Variants in GRIN2A observed in about 807,000 individuals in gnomAD.
The protein encoded by GRIN2A is glutamate receptor ionotropic, NMDA 2A.
Under a neutral mutation model 113.4 loss-of-function variants are expected in GRIN2A, and 22 were observed. That is an observed-to-expected ratio of 0.19 (90% CI 0.14 to 0.28). The LOEUF is 0.28. GRIN2A is among the 10% of genes least tolerant of loss of function. The probability of loss-of-function intolerance (pLI) is 1.00; values close to 1 mark genes in which losing one functional copy is unlikely to be tolerated. For missense variants in GRIN2A, 1,502 were observed against 1,887.0 expected, an observed-to-expected ratio of 0.80 and a Z score of 3.78; for synonymous variants, 827 against 738.4, an observed-to-expected ratio of 1.12 and a Z score of -1.94.
intron 2 of GRIN2A, 105 bp downstream of exon 2, chr16:10,179,893 C>CCCAAAAAAAAAAAAAAAA: frequency 4.2e-6 from 3 of 719,806 alleles, no homozygotes; most frequent in Non-Finnish European, 4.8e-6. Context: ...CCCCCACCCC[C>CCCAAAAAAAAAAAAAAAA]ACTTCACATC....
chr16:10,040,989 T>C (rs2047157821), intron 2 of GRIN2A, among the ~76,000 whole-genome samples: 1 of 152,258 alleles, frequency 6.6e-6, no homozygotes, highest in African/African-American at 2.4e-5. Flanking sequence ...TGCCTCCACC[T>C]GACATCAAAG....
intron 2 of GRIN2A, among the ~76,000 whole-genome samples, chr16:10,108,628 G>C (rs563422390): frequency 2.6e-5 from 4 of 152,190 alleles, no homozygotes; most frequent in Non-Finnish European, 2.9e-5. Context: ...CACACACTTA[G>C]TGTACGATGT....
chr16:9,939,172 T>A (rs1270021286), intron 2 of GRIN2A, among the ~76,000 whole-genome samples: 1 of 152,148 alleles, frequency 6.6e-6, no homozygotes, highest in Non-Finnish European at 1.5e-5. Context: ...TTAAGTGTTC[T>A]TAATAAGAAT....
In GRIN2A at chr16:10,180,983, A is replaced by T. The variant is rs2050258047; in HGVS notation, c.-18-554T>A. ...TAGTTGGCTGACCCCGCCCCCTACGAGCCCGTCGTGTGCACCACACACTTT... is the reference window on the plus strand; with the variant it reads ...TAGTTGGCTGACCCCGCCCCCTACGTGCCCGTCGTGTGCACCACACACTTT... On this transcript the variant is annotated intron_variant, in intron 1 of 12. Transcript: ENST00000330684. This position sits in a 1 kb window ranked among gnomAD's most constrained non-coding sequence, Gnocchi z 7.0. Among the ~76,000 whole-genome samples, 1 of 152,116 alleles carries T rather than the reference A, an allele frequency of 6.6e-6. No homozygotes were observed. Among genetic ancestry groups the T allele is most frequent in the Non-Finnish European group, 1.5e-5 (1 of 68,008 alleles).
intron 7 of GRIN2A, among the ~76,000 whole-genome samples, chr16:9,836,223 C>T (rs1421565105): frequency 1.3e-5 from 2 of 152,132 alleles, no homozygotes; most frequent in Non-Finnish European, 2.9e-5. Context: ...AGTGTTTGTT[C>T]GTGTGTGAGG....
chr16:10,016,613 C>G (rs2046615842), intron 2 of GRIN2A, among the ~76,000 whole-genome samples: 1 of 152,120 alleles, frequency 6.6e-6, no homozygotes, highest in Non-Finnish European at 1.5e-5. Flanking sequence ...AGTAATTGTC[C>G]ATAGGATAAA....
At chr16:10,162,098 A>G (rs969645115) in intron 2 of GRIN2A, among the ~76,000 whole-genome samples, 1 of 152,118 alleles carries the variant, frequency 6.6e-6, no homozygotes, top group Non-Finnish European at 1.5e-5. Context: ...GATTCTGCCT[A>G]CCACACCCCC....
chr16:10,171,738 C>T (rs750363760), intron 2 of GRIN2A, among the ~76,000 whole-genome samples: 11 of 152,150 alleles, frequency 7.2e-5, no homozygotes, highest in African/African-American at 2.2e-4. Context: ...AAAATGCAGA[C>T]ACAATAACAA....
intron 2 of GRIN2A, 105 bp downstream of exon 2, chr16:10,179,893 C>CCCCACAAAAAAAAAAAAA: frequency 1.4e-6 from 1 of 719,818 alleles, no homozygotes; most frequent in Non-Finnish European, 2.4e-6. Context: ...CCCCCACCCC[C>CCCCACAAAAAAAAAAAAA]ACTTCACATC....
At chr16:9,916,625 G>A (rs1270804502) in intron 3 of GRIN2A, among the ~76,000 whole-genome samples, 2 of 152,148 alleles carry the variant, frequency 1.3e-5, no homozygotes, top group Admixed American at 6.5e-5. Flanking sequence ...GAGGTGGCTG[G>A]TGATGCAGCC....
intron 2 of GRIN2A, among the ~76,000 whole-genome samples, chr16:10,056,102 G>C (rs2047453274): frequency 6.6e-6 from 1 of 152,196 alleles, no homozygotes; most frequent in Non-Finnish European, 1.5e-5. Context: ...TGAATGCAGA[G>C]AAAACCAGGC....
At chr16:9,779,847 G>A (rs1338323112) in intron 11 of GRIN2A, among the ~76,000 whole-genome samples, 1 of 152,146 alleles carries the variant, frequency 6.6e-6, no homozygotes. Flanking sequence ...AGGGATGAGT[G>A]GAAGAGCACA....
intron 2 of GRIN2A, among the ~76,000 whole-genome samples, chr16:10,165,680 GGGAGGGGAGGGGAGGGGAGAAA>G (rs1193556001): frequency 2.2e-4 from 25 of 111,230 alleles, no homozygotes; most frequent in Non-Finnish European, 3.5e-4. Flanking sequence ...AAGAGGAGAG[GGGAGGGGAGGGGAGGGGAGAAA>G]GGAGGGGAGG....
At chr16:10,097,856 G>GA (rs1193342958) in intron 2 of GRIN2A, among the ~76,000 whole-genome samples, 1 of 152,104 alleles carries the variant, frequency 6.6e-6, no homozygotes. Flanking sequence ...GGTAACACGG[G>GA]AAAATCCCTT....
chr16:9,781,956 T>G (rs748831326), intron 11 of GRIN2A, among the ~76,000 whole-genome samples: 4 of 152,162 alleles, frequency 2.6e-5, no homozygotes, highest in Non-Finnish European at 5.9e-5. Context: ...ATGCTTAAAA[T>G]GTAATAATAA....
intron 2 of GRIN2A, among the ~76,000 whole-genome samples, chr16:10,099,869 G>A (rs527619055): frequency 2.0e-5 from 3 of 152,174 alleles, no homozygotes; most frequent in East Asian, 1.9e-4. Flanking sequence ...CTGAGGTGCC[G>A]AGTGCTGGGG....
intron 2 of GRIN2A, among the ~76,000 whole-genome samples, chr16:9,978,755 G>C (rs1001498309): frequency 4.6e-5 from 7 of 152,192 alleles, no homozygotes; most frequent in African/African-American, 1.7e-4. Context: ...GAAGATGAAA[G>C]CAAGTTCCTC....
At chr16:10,009,751 A>G (rs537998440) in intron 2 of GRIN2A, among the ~76,000 whole-genome samples, 9 of 151,962 alleles carry the variant, frequency 5.9e-5, no homozygotes, top group Admixed American at 3.3e-4. Flanking sequence ...TGAGAAAGAA[A>G]AAAAAAAAAT....
chr16:9,864,024 G>A (rs896993776), intron 4 of GRIN2A, among the ~76,000 whole-genome samples: 1 of 152,188 alleles, frequency 6.6e-6, no homozygotes, highest in Non-Finnish European at 1.5e-5. Context: ...CCTAAGGACA[G>A]TCCTTTGTTA....
Sources: gnomAD v4.1 joint callset for allele counts (sites outside exome capture counted in the v4.1 genomes callset) on GRCh38, gnomAD v4.1.1 for gene constraint, Gnocchi (gnomAD v3.1) non-coding constraint, MANE v1.5 for transcripts, NCBI Gene and HGNC (gene_info 2026-07-23, HGNC 2026-07-21) for gene names.